FRMPD4: variants seen among roughly 807,000 people sequenced by gnomAD.
FRMPD4 encodes FERM and PDZ domain-containing protein 4.
Under a neutral mutation model 94.1 loss-of-function variants are expected in FRMPD4, and 22 were observed. The ratio of observed to expected loss-of-function variants is 0.23; its 90% CI spans 0.17 to 0.33. FRMPD4 has a LOEUF of 0.33. Among genes scored for constraint, FRMPD4 ranks in the 10% least tolerant of loss-of-function variants. The pLI is 1.00. For missense variants in FRMPD4, 1,111 were observed against 1,339.9 expected, an observed-to-expected ratio of 0.83 and a Z score of 2.67; for synonymous variants, 631 against 548.6, an observed-to-expected ratio of 1.15 and a Z score of -2.10.
intron 1 of FRMPD4, among the ~76,000 whole-genome samples, chrX:12,269,065 G>A (rs529037372): frequency 8.9e-6 from 1 of 112,054 alleles, no homozygotes; most frequent in African/African-American, 3.2e-5. Flanking sequence ...AAATTTGACT[G>A]TTCTTTTTGG....
At chrX:12,012,817 G>A (rs1275073860) in intron 3 of FRMPD4, among the ~76,000 whole-genome samples, 1 of 111,815 alleles carries the variant, frequency 8.9e-6, no homozygotes, top group African/African-American at 3.3e-5. Context: ...CCTTCGATGG[G>A]GCAGAAAAAG....
intron 1 of FRMPD4, among the ~76,000 whole-genome samples, chrX:12,484,613 T>C (rs1026030742): frequency 2.7e-5 from 3 of 111,945 alleles, no homozygotes; most frequent in Non-Finnish European, 3.8e-5. Flanking sequence ...GTAATTTCAC[T>C]GTCCTCAATA....
At chrX:12,009,790 G>T (rs6640860) in intron 3 of FRMPD4, among the ~76,000 whole-genome samples, 14,558 of 111,722 alleles carry the variant, frequency 0.13, 916 homozygotes, top group East Asian at 0.24. Flanking sequence ...AACGTACATT[G>T]CTTGTATCTT....
At chrX:12,204,007 T>G (rs1305289371) in intron 1 of FRMPD4, among the ~76,000 whole-genome samples, 1 of 112,674 alleles carries the variant, frequency 8.9e-6, no homozygotes, top group Non-Finnish European at 1.9e-5. Flanking sequence ...TTTGTTCTTA[T>G]ACAAAAACAT....
intron 1 of FRMPD4, among the ~76,000 whole-genome samples, chrX:12,191,307 T>G (rs1477215441): frequency 8.9e-6 from 1 of 112,212 alleles, no homozygotes; most frequent in Non-Finnish European, 1.9e-5. Flanking sequence ...GAATGCAGAA[T>G]GATACAGCCA....
At chrX:12,057,439 G>T (rs1170038654) in intron 3 of FRMPD4, among the ~76,000 whole-genome samples, 1 of 110,940 alleles carries the variant, frequency 9.0e-6, no homozygotes, top group Non-Finnish European at 1.9e-5. Context: ...ACCAAGTCTT[G>T]TTGGGGCCTG....
intron 1 of FRMPD4, among the ~76,000 whole-genome samples, chrX:12,277,087 C>T (rs758977543): frequency 0.011 from 1,105 of 97,260 alleles, 20 homozygotes; most frequent in African/African-American, 0.04. Flanking sequence ...CGCCACTGCA[C>T]TCCAGCCTGG....
intron 3 of FRMPD4, among the ~76,000 whole-genome samples, chrX:12,029,897 G>T: frequency 9.0e-6 from 1 of 111,424 alleles, no homozygotes; most frequent in African/African-American, 3.3e-5. Context: ...ATTACATAGG[G>T]CATATATACC....
chrX:12,681,000 T>C (rs2059966033), intron 5 of FRMPD4, among the ~76,000 whole-genome samples: 1 of 111,583 alleles, frequency 9.0e-6, no homozygotes, highest in Admixed American at 9.5e-5. Context: ...CTATATTTGT[T>C]ATTGAAGCAA....
intron 2 of FRMPD4, among the ~76,000 whole-genome samples, chrX:12,594,302 C>T (rs1295529203): frequency 9.0e-6 from 1 of 111,658 alleles, no homozygotes; most frequent in Non-Finnish European, 1.9e-5. Flanking sequence ...GTAGTATTTT[C>T]TTCTAGTGCT....
chrX:12,477,125 A>G (rs1363301868), intron 1 of FRMPD4, among the ~76,000 whole-genome samples: 9 of 112,190 alleles, frequency 8.0e-5, no homozygotes, highest in Non-Finnish European at 1.7e-4. Context: ...CTATGCAGCC[A>G]TAAAAAATGA....
chrX:12,654,658 G>A (rs975507018), intron 4 of FRMPD4, among the ~76,000 whole-genome samples: 1 of 111,461 alleles, frequency 9.0e-6, no homozygotes, highest in Non-Finnish European at 1.9e-5. Context: ...AAATTATTCA[G>A]CATCCCTGAG....
rs2053689062 is a variant in FRMPD4 at position 11,861,863 on chromosome X, G to T, written c.-160-3223G>T. Among the ~76,000 whole-genome samples, 8 of 111,753 alleles carry T rather than the reference G, an allele frequency of 7.2e-5. No individual in the cohort carries two copies. In the South Asian group the frequency reaches 3.0e-3, roughly 42 times the overall value. On this transcript the variant is annotated intron_variant, in intron 1 of 18. Transcript: ENST00000640291. ...TACCCGAGACTGGGTAATTTATAAA[G>T]AAAAGAGGTTTAGTTGGCTTATGGT... is the stretch of plus-strand genomic sequence containing the variant.
At chrX:12,267,154 A>G (rs2054288627) in intron 1 of FRMPD4, among the ~76,000 whole-genome samples, 1 of 112,095 alleles carries the variant, frequency 8.9e-6, no homozygotes, top group East Asian at 2.8e-4. Flanking sequence ...ATCAAGTCGG[A>G]AAATCGTAAG....
At chrX:12,158,034 A>G (rs780678033) in intron 1 of FRMPD4, among the ~76,000 whole-genome samples, 58 of 112,338 alleles carry the variant, frequency 5.2e-4, no homozygotes, top group Non-Finnish European at 9.4e-4. Flanking sequence ...GGAGGGGGAA[A>G]AAGGAAACGT....
At chrX:11,994,241 A>G (rs1279945162) in intron 3 of FRMPD4, among the ~76,000 whole-genome samples, 3 of 111,396 alleles carry the variant, frequency 2.7e-5, no homozygotes, top group Non-Finnish European at 5.7e-5. Context: ...CCAAAGGTCC[A>G]TAGTGCCAAA....
Position 12,351,486 on chromosome X carries a change from T to C in FRMPD4, c.42-147194T>C, listed in dbSNP as rs775693300. Among the ~76,000 whole-genome samples the C allele has an allele frequency of 5.3e-5, 6 of 112,287 alleles. No individual in the cohort carries two copies. In the South Asian group the frequency reaches 1.8e-3, roughly 35 times the overall value. ...CAATCTCCATCATTTCAAAAAAATA[T>C]GGAACATTTTAAAGTAAACTTTTTA... is the stretch of plus-strand genomic sequence containing the variant. On this transcript the variant is annotated intron_variant, in intron 1 of 16. Transcript: ENST00000675598.
chrX:12,680,921 G>A (rs749075911), intron 5 of FRMPD4, among the ~76,000 whole-genome samples: 64 of 110,932 alleles, frequency 5.8e-4, no homozygotes, highest in African/African-American at 1.7e-3. Flanking sequence ...GTAACCTTAC[G>A]TATTTTCGTG....
At chrX:12,182,353 AT>A (rs1418492980) in intron 1 of FRMPD4, among the ~76,000 whole-genome samples, 1 of 110,951 alleles carries the variant, frequency 9.0e-6, no homozygotes, top group Non-Finnish European at 1.9e-5. Context: ...TGCAAGCAAG[AT>A]TTTTGCTGTG....
Sources: gnomAD v4.1 joint callset for allele counts (sites outside exome capture counted in the v4.1 genomes callset) on GRCh38, gnomAD v4.1.1 for gene constraint, MANE v1.5 for transcripts, NCBI Gene and HGNC (gene_info 2026-07-23, HGNC 2026-07-21) for gene names.